Variants in DAB2IP observed in about 807,000 individuals in gnomAD.
The protein encoded by DAB2IP is DAB2 interacting protein.
A neutral mutation model predicts 107.2 loss-of-function variants in DAB2IP; 28 were observed. The observed-to-expected ratio is 0.26, with a 90% CI of 0.19 to 0.36. The LOEUF (loss-of-function observed/expected upper bound fraction) is 0.36. Ranked by LOEUF, DAB2IP falls within the 10% of genes least tolerant of loss-of-function variation. The pLI is 1.00. For missense variants in DAB2IP, 1,400 were observed against 1,644.7 expected, an observed-to-expected ratio of 0.85 and a Z score of 2.57; for synonymous variants, 755 against 706.4, an observed-to-expected ratio of 1.07 and a Z score of -1.09.
At chr9:121,720,277 C>T (rs1182578664) in intron 3 of DAB2IP, among the ~76,000 whole-genome samples, 1 of 152,192 alleles carries the variant, frequency 6.6e-6, no homozygotes, top group Non-Finnish European at 1.5e-5. Context: ...TGGACCGGGC[C>T]CAGGCCTCCT....
At chr9:121,761,400 G>GGGGC (rs1241133801) in intron 6 of DAB2IP, among the ~76,000 whole-genome samples, 28 of 152,334 alleles carry the variant, frequency 1.8e-4, no homozygotes, top group African/African-American at 6.7e-4. Flanking sequence ...AGGTGGCTGA[G>GGGGC]GGGCACCCTG....
chr9:121,660,401 G>T (rs978170431), intron 1 of DAB2IP, among the ~76,000 whole-genome samples: 3 of 152,180 alleles, frequency 2.0e-5, no homozygotes, highest in Non-Finnish European at 2.9e-5. Flanking sequence ...TTTAGGAAAA[G>T]AACTCTTAAC....
At chr9:121,649,431 G>A (rs1832659472), upstream of DAB2IP, among the ~76,000 whole-genome samples, 1 of 107,152 alleles carries the variant, frequency 9.3e-6, no homozygotes, top group Admixed American at 9.3e-5. Context: ...CTTCCTGTTG[G>A]GGGCCCAGGC....
At chr9:121,722,941 G>A (rs1038884364) in intron 3 of DAB2IP, among the ~76,000 whole-genome samples, 1 of 152,228 alleles carries the variant, frequency 6.6e-6, no homozygotes, top group Non-Finnish European at 1.5e-5. Context: ...ACGGTGGACT[G>A]TTGGTCGGGG....
chr9:121,649,930 C>T (rs1832680436), upstream of DAB2IP, among the ~76,000 whole-genome samples: 1 of 152,212 alleles, frequency 6.6e-6, no homozygotes, highest in South Asian at 2.1e-4. Flanking sequence ...TGCATGTGGC[C>T]CAGGATGGCT....
At chr9:121,727,029 T>C (rs1831270653) in intron 3 of DAB2IP, among the ~76,000 whole-genome samples, 1 of 151,792 alleles carries the variant, frequency 6.6e-6, no homozygotes, top group Non-Finnish European at 1.5e-5. Flanking sequence ...CTCTCAAAAA[T>C]ATTGTGCTGG....
intron 1 of DAB2IP, among the ~76,000 whole-genome samples, chr9:121,670,519 T>A (rs1174821682): frequency 1.3e-5 from 2 of 152,354 alleles, no homozygotes; most frequent in Middle Eastern, 3.4e-3. Flanking sequence ...CTAAGGTTTC[T>A]GTTTTCTTGC....
rs1471285298 is a variant in DAB2IP at position 121,772,061 on chromosome 9, G to A, written c.2079-546G>A. Among the ~76,000 whole-genome samples, 1 of 152,190 alleles carries A rather than the reference G, an allele frequency of 6.6e-6. No homozygotes were observed. Among genetic ancestry groups the A allele is most frequent in the Non-Finnish European group, 1.5e-5 (1 of 68,030 alleles). ...TCCACAGAGCCTGCTCTCATTCCTTGTTTTTGCCAGGAACTCCAGCCCCCG... is the reference window on the plus strand; with the variant it reads ...TCCACAGAGCCTGCTCTCATTCCTTATTTTTGCCAGGAACTCCAGCCCCCG... On this transcript the variant is annotated intron_variant, in intron 11 of 15. Coordinates refer to ENST00000408936, the Ensembl canonical transcript of DAB2IP. The surrounding 1 kb of genome is among the most constrained non-coding windows in gnomAD (Gnocchi z 4.7).
Position 121,776,493 on chromosome 9 carries a change from T to G in DAB2IP, c.3314+102T>G. 10 of 1,275,724 alleles carry G rather than the reference T, an allele frequency of 7.8e-6. No homozygotes were observed. Among genetic ancestry groups the G allele is most frequent in the Non-Finnish European group, 1.1e-5 (10 of 945,128 alleles). The allele number at this position is 1,275,724 out of a possible 1,614,324, so 79.0% of individuals were successfully genotyped here. Reference sequence around the variant, plus strand: ...CGGGGAGCCTCCTCAAAGGATAAGCTGAATGTGGAGAGAGGAGGGAAGAGA... The same window carrying G: ...CGGGGAGCCTCCTCAAAGGATAAGCGGAATGTGGAGAGAGGAGGGAAGAGA... On this transcript the variant is annotated intron_variant, in intron 14 of 15. Transcript: ENST00000408936. This position sits in a 1 kb window ranked among gnomAD's most constrained non-coding sequence, Gnocchi z 5.4.
chr9:121,649,660 G>T (rs78981462), upstream of DAB2IP, among the ~76,000 whole-genome samples: 2,905 of 152,312 alleles, frequency 0.019, 162 homozygotes, highest in East Asian at 0.14. Flanking sequence ...GGCTACGGAG[G>T]TTAGTCATGC....
In DAB2IP at chr9:121,760,034, C is replaced by T. The variant is rs34727342; in HGVS notation, c.765C>T (p.Phe255=). ...GCAAGCTCAAGACGGACAATGTTTT[C>T]TGGGGCGAGCACTTCGAGTTCCACA... Residue 255 remains phenylalanine (F), a synonymous_variant, in exon 6 of 16, where the codon TTC becomes TTT. Coordinates refer to ENST00000408936, the Ensembl canonical transcript of DAB2IP. The surrounding 1 kb of genome is among the most constrained non-coding windows in gnomAD (Gnocchi z 5.9). 41,318 of 1,614,156 alleles carry T rather than the reference C, an allele frequency of 0.026. 826 individuals carry two copies. Among genetic ancestry groups the T allele is most frequent in the African/African-American group, 0.093 (6,974 of 75,052 alleles).
In DAB2IP at chr9:121,760,005, A is replaced by G. The variant is rs1587969624; in HGVS notation, c.736A>G (p.Thr246Ala). 12 of 1,614,140 alleles carry G rather than the reference A, an allele frequency of 7.4e-6. No homozygotes were observed. The highest frequency in any genetic ancestry group is 9.3e-6 in the Non-Finnish European group (11 of 1,179,986). ...GGACGATGTGCTCTATGCCCGCACC[A>G]CGGGCAAGCTCAAGACGGACAATGT... is the stretch of plus-strand genomic sequence containing the variant. The change falls in exon 6 of 16, where the codon ACG becomes GCG. Residue 246 changes from threonine (T) to alanine (A), a missense_variant. Physicochemically the swap from Thr to Ala is moderately conservative, Grantham distance 58. Coordinates refer to ENST00000408936, the Ensembl canonical transcript of DAB2IP. The surrounding 1 kb of genome is among the most constrained non-coding windows in gnomAD (Gnocchi z 5.9).
chr9:121,651,772 C>T lies in DAB2IP; in HGVS notation c.-4C>T, dbSNP rs2119060296. ...GCCCGGCCCGGTGCCCGGCGGGCGG[C>T]AGCATGTCCGCGGGCGGCAGCGCCA... is the stretch of plus-strand genomic sequence containing the variant. On this transcript the variant is annotated 5_prime_UTR_variant, in exon 1 of 16. Coordinates refer to ENST00000408936, the Ensembl canonical transcript of DAB2IP. The surrounding 1 kb of genome is among the most constrained non-coding windows in gnomAD (Gnocchi z 5.1). The T allele has an allele frequency of 3.7e-6, 5 of 1,364,444 alleles. No homozygotes were observed. The highest frequency in any genetic ancestry group is 3.8e-6 in the Non-Finnish European group (4 of 1,052,844). The allele number at this position is 1,364,444 out of a possible 1,614,324, so 84.5% of individuals were successfully genotyped here.
intron 1 of DAB2IP, among the ~76,000 whole-genome samples, chr9:121,614,797 G>A (rs1831215699): frequency 6.8e-6 from 1 of 147,168 alleles, no homozygotes; most frequent in Non-Finnish European, 1.5e-5. Context: ...GCAGTGTTGC[G>A]ATCTTGGCTC....
chr9:121,614,069 G>A (rs1314907950), intron 1 of DAB2IP, among the ~76,000 whole-genome samples: 3 of 152,216 alleles, frequency 2.0e-5, no homozygotes, highest in Admixed American at 2.0e-4. Flanking sequence ...AATTAACTGC[G>A]GCCACTTAAT....
intron 3 of DAB2IP, among the ~76,000 whole-genome samples, chr9:121,731,956 C>T (rs1831569547): frequency 1.3e-5 from 2 of 151,980 alleles, no homozygotes; most frequent in Admixed American, 6.6e-5. Flanking sequence ...GTGGGGTGGA[C>T]GCAGGACTTG....
chr9:121,691,177 G>C lies in DAB2IP; in HGVS notation c.229-8148G>C, dbSNP rs1024883285. ...AGAAATATTGAGAGAATACCTGCCA[G>C]GCGTCCAGCACTGGAGACCCAGGTT... On this transcript the variant is annotated intron_variant, in intron 2 of 15. Transcript: ENST00000408936. Among the ~76,000 whole-genome samples, 3 of 152,204 alleles carry C rather than the reference G, an allele frequency of 2.0e-5. No homozygotes were observed. The East Asian group carries it at 5.8e-4, about 29-fold the overall frequency.
chr9:121,610,200 T>C (rs779907413), intron 1 of DAB2IP, among the ~76,000 whole-genome samples: 1 of 152,180 alleles, frequency 6.6e-6, no homozygotes, highest in Non-Finnish European at 1.5e-5. Flanking sequence ...CCCAGGATAG[T>C]GGCTCTGTGT....
chr9:121,591,415 G>A lies in DAB2IP; in HGVS notation c.40+24187G>A, dbSNP rs7859160. Reference sequence around the variant, plus strand: ...AGCCAGGAGGTGGAGGTTGCAATGAGCCGAGATCGTGCCACTGCACTCCAG... The same window carrying A: ...AGCCAGGAGGTGGAGGTTGCAATGAACCGAGATCGTGCCACTGCACTCCAG... On this transcript the variant is annotated intron_variant, in intron 1 of 16. Coordinates refer to the DAB2IP transcript ENST00000259371. 4.4e-3 allele frequency among the ~76,000 whole-genome samples: 668 copies of A among 152,332 alleles called. 7 individuals carry two copies. The highest frequency in any genetic ancestry group is 0.015 in the African/African-American group (640 of 41,566).
Sources: allele counts gnomAD v4.1 joint callset (sites outside exome capture counted in the v4.1 genomes callset), GRCh38; gene constraint gnomAD v4.1.1; non-coding constraint Gnocchi (gnomAD v3.1); transcripts MANE v1.5; gene names NCBI Gene and HGNC (gene_info 2026-07-23, HGNC 2026-07-21).